Variants in FOXP2 observed in about 807,000 individuals in gnomAD.
The protein encoded by FOXP2 is forkhead box P2.
In FOXP2, 12 loss-of-function variants were observed where a neutral mutation model predicts 115.8. The observed-to-expected ratio is 0.10, with a 90% confidence interval of 0.07 to 0.17. FOXP2 has a LOEUF of 0.17. Ranked by LOEUF, FOXP2 falls within the 10% of genes least tolerant of loss-of-function variation. The pLI is 1.00. For synonymous variants in FOXP2, 328 were observed against 297.7 expected (o/e 1.10, Z -1.05); for missense variants, 629 against 843.5 (o/e 0.75, Z 3.15).
intron 3 of FOXP2, among the ~76,000 whole-genome samples, chr7:114,621,332 A>C (rs1045121921): frequency 1.3e-5 from 2 of 152,054 alleles, no homozygotes; most frequent in African/African-American, 4.8e-5. Context: ...ATTTATGTAC[A>C]ATATAAGGCA....
intron 2 of FOXP2, among the ~76,000 whole-genome samples, chr7:114,384,577 T>A (rs1270202063): frequency 6.6e-6 from 1 of 152,116 alleles, no homozygotes; most frequent in Non-Finnish European, 1.5e-5. Context: ...TGAAGGGAGT[T>A]CCTCCTAGGT....
intron 1 of FOXP2, among the ~76,000 whole-genome samples, chr7:114,141,143 A>T (rs1792196289): frequency 6.6e-6 from 1 of 152,192 alleles, no homozygotes; most frequent in South Asian, 2.1e-4. Context: ...AGAAAGGCCC[A>T]TATTTACCAG....
chr7:114,217,918 C>T (rs148226107), intron 1 of FOXP2, among the ~76,000 whole-genome samples: 1 of 152,254 alleles, frequency 6.6e-6, no homozygotes, highest in African/African-American at 2.4e-5. Context: ...GTGTTGTCTA[C>T]TGAATGATTG....
chr7:114,682,082 C>T lies in FOXP2; in HGVS notation c.2004-7700C>T, dbSNP rs1239719604. On this transcript the variant is annotated intron_variant, in intron 16 of 16. Transcript: ENST00000350908. ...TTTACATATATGCAAAATAATTTAA[C>T]CCTTATAACGAGTGTATAAGGTAGT... Among the ~76,000 whole-genome samples, 3 of 152,174 alleles carry T rather than the reference C, an allele frequency of 2.0e-5. No individual in the cohort carries two copies. In the East Asian group the frequency reaches 5.8e-4, roughly 29 times the overall value.
intron 2 of FOXP2, among the ~76,000 whole-genome samples, chr7:114,505,236 T>G (rs1043296153): frequency 1.3e-5 from 2 of 151,626 alleles, no homozygotes; most frequent in African/African-American, 4.8e-5. Flanking sequence ...TTCAAACACT[T>G]GAACTAATGT....
chr7:114,417,378 A>G (rs1793394940), intron 1 of FOXP2, among the ~76,000 whole-genome samples: 2 of 151,996 alleles, frequency 1.3e-5, no homozygotes, highest in Non-Finnish European at 2.9e-5. Flanking sequence ...TTTCTAGAAC[A>G]TATATTTACC....
At chr7:114,281,738 A>G (rs571767739) in intron 1 of FOXP2, among the ~76,000 whole-genome samples, 1 of 152,330 alleles carries the variant, frequency 6.6e-6, no homozygotes, top group East Asian at 1.9e-4. Context: ...CAATTGTCCT[A>G]TTCTTGAATA....
At chr7:114,284,991 C>T (rs1340082475) in intron 1 of FOXP2, among the ~76,000 whole-genome samples, 5 of 151,876 alleles carry the variant, frequency 3.3e-5, no homozygotes, top group Non-Finnish European at 5.9e-5. Context: ...AACACATAGA[C>T]GCATAAAGGG....
At chr7:114,126,418 G>T (rs1385521195) in intron 1 of FOXP2, among the ~76,000 whole-genome samples, 1 of 152,070 alleles carries the variant, frequency 6.6e-6, no homozygotes, top group African/African-American at 2.4e-5. Context: ...TCATTTTCAT[G>T]AAATATGAAA....
chr7:114,558,252 A>G (rs1258531384), intron 3 of FOXP2, among the ~76,000 whole-genome samples: 1 of 152,246 alleles, frequency 6.6e-6, no homozygotes, highest in African/African-American at 2.4e-5. Flanking sequence ...ATTGCTTGCC[A>G]TCAAGAAATT....
At chr7:114,170,732 A>T (rs145941183) in intron 1 of FOXP2, among the ~76,000 whole-genome samples, 4 of 152,330 alleles carry the variant, frequency 2.6e-5, no homozygotes, top group African/African-American at 9.6e-5. Context: ...AATTTGGTAA[A>T]GGCTGAGAGA....
At chr7:114,664,880 T>A (rs759888904) in intron 16 of FOXP2, 3 of 197,426 alleles carry the variant, frequency 1.5e-5, no homozygotes, top group African/African-American at 2.4e-5. Flanking sequence ...AAATGCAAAG[T>A]TTAACTGTTA....
intron 6 of FOXP2, among the ~76,000 whole-genome samples, chr7:114,636,480 C>T (rs919725230): frequency 6.6e-6 from 1 of 151,810 alleles, no homozygotes; most frequent in African/African-American, 2.4e-5. Context: ...TTATAAGTAA[C>T]CTTAGAAAAT....
At chr7:114,514,250 C>T (rs1306286816) in intron 2 of FOXP2, among the ~76,000 whole-genome samples, 1 of 152,000 alleles carries the variant, frequency 6.6e-6, no homozygotes, top group East Asian at 1.9e-4. Flanking sequence ...ACATACTTAT[C>T]ATTTTGTTAT....
chr7:114,640,258 A>T (rs1018686349), intron 6 of FOXP2, among the ~76,000 whole-genome samples: 2 of 152,216 alleles, frequency 1.3e-5, no homozygotes, highest in Non-Finnish European at 2.9e-5. Flanking sequence ...TTATATAAAA[A>T]GTTGTTTCCT....
At chr7:114,475,375 G>A (rs1796211982) in intron 2 of FOXP2, among the ~76,000 whole-genome samples, 1 of 151,962 alleles carries the variant, frequency 6.6e-6, no homozygotes, top group African/African-American at 2.4e-5. Flanking sequence ...TATCAAAATT[G>A]CAAATTTGTG....
At chr7:114,225,538 G>A (rs1039706685) in intron 1 of FOXP2, among the ~76,000 whole-genome samples, 1 of 151,966 alleles carries the variant, frequency 6.6e-6, no homozygotes. Context: ...ACAGACTCCT[G>A]CTCTCAAGTA....
At chr7:114,097,260 G>C (rs1449859010) in intron 1 of FOXP2, among the ~76,000 whole-genome samples, 1 of 152,096 alleles carries the variant, frequency 6.6e-6, no homozygotes. Flanking sequence ...TAATCCTTCA[G>C]ATTTCTTCAT....
rs557747171 is a variant in FOXP2, at chr7:114,103,766, A to C, written c.-247+15928A>C. Among the ~76,000 whole-genome samples the C allele has an allele frequency of 2.6e-5, 4 of 152,192 alleles. No homozygotes were observed. The East Asian group carries it at 7.7e-4, about 29-fold the overall frequency. ...TATATGAAAGACTTGTAAATTGAAC[A>C]AAATAATTTCATTTTTTCCCTTGGG... On this transcript the variant is annotated intron_variant, in intron 1 of 19. Coordinates refer to the FOXP2 transcript ENST00000635638.
Sources: gnomAD v4.1 joint callset for allele counts (sites outside exome capture counted in the v4.1 genomes callset) on GRCh38, gnomAD v4.1.1 for gene constraint, MANE v1.5 for transcripts, NCBI Gene and HGNC (gene_info 2026-07-23, HGNC 2026-07-21) for gene names.